Variants in MTPAP observed in about 807,000 individuals in gnomAD.
The protein encoded by MTPAP is mitochondrial poly(A) polymerase, also known as poly(A) RNA polymerase, mitochondrial.
In MTPAP, 23 loss-of-function variants were observed where a neutral mutation model predicts 48.7. The ratio of observed to expected loss-of-function variants is 0.47; its 90% CI spans 0.34 to 0.67. MTPAP has a LOEUF of 0.67. Ranked by LOEUF, MTPAP falls within the 30% of genes least tolerant of loss-of-function variation. The pLI, the probability that MTPAP is intolerant of heterozygous loss-of-function variation, is 0.01. For synonymous variants in MTPAP, 257 were observed against 254.1 expected (o/e 1.01, Z -0.11); for missense variants, 614 against 694.3 (o/e 0.88, Z 1.30).
In MTPAP at chr10:30,313,206, C is replaced by A; in HGVS notation, c.*403G>T. On this transcript the variant is annotated 3_prime_UTR_variant, in exon 9 of 9. Transcript: ENST00000263063. ...TTTAGCATTTGTTTAGTATATTTAC[C>A]TATTTAGTTAAAGCACATTACAATA... 4.8e-6 allele frequency: 1 copy of A among 209,298 alleles called. No homozygotes were observed. Among genetic ancestry groups the A allele is most frequent in the Non-Finnish European group, 9.7e-6 (1 of 102,676 alleles). The allele number at this position is 209,298 out of a possible 1,614,324, so 13.0% of individuals were successfully genotyped here.
intron 8 of MTPAP, among the ~76,000 whole-genome samples, 153 bp from the exon 9 acceptor site, chr10:30,314,124 C>T (rs1021371954): frequency 1.3e-5 from 2 of 151,936 alleles, no homozygotes; most frequent in African/African-American, 4.8e-5. Flanking sequence ...AGTATGTATG[C>T]ATGGTGGGTG....
rs768029508 is a variant in MTPAP at position 30,316,194 on chromosome 10, A to G, written c.1236T>C (p.Cys412=). The G allele has an allele frequency of 4.3e-6, 7 of 1,613,322 alleles. No individual in the cohort carries two copies. In the Admixed American group the frequency reaches 1.2e-4, roughly 27 times the overall value. ...ATGTGCAGTTGTTGCCTTCTATTAC[A>G]CATTTATCTTCTGCATCTTAAACAC... ...LKTLADAEDK[C]VIEGNNCTFV... is the part of the protein sequence containing the mutation. Residue 412 remains cysteine (C), a synonymous_variant, in exon 7 of 9, where the codon TGT becomes TGC. Transcript: ENST00000263063.
chr10:30,327,977 C>T lies in MTPAP; in HGVS notation c.781-1342G>A, dbSNP rs891655163. Among the ~76,000 whole-genome samples, 3 of 152,030 alleles carry T rather than the reference C, an allele frequency of 2.0e-5. No homozygotes were observed. In the South Asian group the frequency reaches 6.2e-4, roughly 32 times the overall value. On this transcript the variant is annotated intron_variant, in intron 4 of 8. Transcript: ENST00000263063. ...TTAGAATAGCGAAAGATTCTGTAAC[C>T]ATGACATAAAATTAGAGAAGACACA...
At chr10:30,336,345 A>G (rs1013480867) in intron 4 of MTPAP, among the ~76,000 whole-genome samples, 9 of 152,184 alleles carry the variant, frequency 5.9e-5, no homozygotes, top group African/African-American at 2.2e-4. Context: ...CAATCTAATA[A>G]GGAAATATGA....
intron 6 of MTPAP, among the ~76,000 whole-genome samples, chr10:30,318,716 G>A (rs1480153539): frequency 1.3e-5 from 2 of 152,222 alleles, no homozygotes; most frequent in African/African-American, 4.8e-5. Flanking sequence ...ATCTTGCCCA[G>A]TACAAACAGC....
intron 5 of MTPAP, among the ~76,000 whole-genome samples, chr10:30,323,341 A>G (rs1181203497): frequency 6.7e-6 from 1 of 149,862 alleles, no homozygotes; most frequent in Non-Finnish European, 1.5e-5. Context: ...AATTCTAGCT[A>G]CTTGGGGGGC....
At chr10:30,337,554 G>A (rs1271532342) in intron 3 of MTPAP, among the ~76,000 whole-genome samples, 1 of 152,130 alleles carries the variant, frequency 6.6e-6, no homozygotes, top group Admixed American at 6.6e-5. Context: ...AAGCAACACA[G>A]CAGGACCTCG....
At position 30,313,455 on chromosome 10, in the gene MTPAP, A is replaced by G; in HGVS notation, c.*154T>C. Reference sequence around the variant, plus strand: ...CTGATCAAACTGAAAACATCCCAGAACTTCAGACCAGGTTAAGGGGGCCAA... The same window carrying G: ...CTGATCAAACTGAAAACATCCCAGAGCTTCAGACCAGGTTAAGGGGGCCAA... On this transcript the variant is annotated 3_prime_UTR_variant, in exon 9 of 9. Transcript: ENST00000263063. 1.9e-6 allele frequency: 2 copies of G among 1,044,484 alleles called. No individual in the cohort carries two copies. The highest frequency in any genetic ancestry group is 2.8e-5 in the South Asian group (2 of 71,446). The allele number at this position is 1,044,484 out of a possible 1,614,324, so 64.7% of individuals were successfully genotyped here.
intron 1 of MTPAP, 47 bp from the exon 2 acceptor site, chr10:30,341,687 T>TTTTAAAAATA: frequency 6.2e-7 from 1 of 1,604,082 alleles, no homozygotes; most frequent in South Asian, 1.1e-5. Flanking sequence ...ACACACAAAA[T>TTTTAAAAATA]TTTAAAAATA....
chr10:30,345,210 A>G (rs1450103926), intron 1 of MTPAP, among the ~76,000 whole-genome samples: 1 of 152,230 alleles, frequency 6.6e-6, no homozygotes, highest in Non-Finnish European at 1.5e-5. Context: ...ATGCTGTAAG[A>G]TATTTAATAT....
chr10:30,327,786 C>T (rs1834616202), intron 4 of MTPAP, among the ~76,000 whole-genome samples: 1 of 148,980 alleles, frequency 6.7e-6, no homozygotes, highest in Admixed American at 6.8e-5. Context: ...GTGGAGGTTG[C>T]AGTGAGTCGA....
chr10:30,325,207 A>T (rs1366439198), intron 5 of MTPAP, among the ~76,000 whole-genome samples: 1 of 152,214 alleles, frequency 6.6e-6, no homozygotes, highest in African/African-American at 2.4e-5. Context: ...GATAGAAAGT[A>T]CAGTATTATA....
At position 30,341,660 on chromosome 10, in the gene MTPAP, A is replaced by G; in HGVS notation, c.158-20T>C. The G allele has an allele frequency of 6.2e-7, 1 of 1,613,356 alleles. No homozygotes were observed. Among genetic ancestry groups the G allele is most frequent in the Non-Finnish European group, 8.5e-7 (1 of 1,179,842 alleles). ...CAAAGCCTATGAACGAGACAAAAAC[A>G]TTTCCACCACACGCACACACACAAA... On this transcript the variant is annotated intron_variant, in intron 1 of 8. Transcript: ENST00000263063.
Position 30,317,526 on chromosome 10 carries a change from A to G in MTPAP, c.1220-1316T>C, listed in dbSNP as rs3802627. ...TCATTTTCATAAATATACAACCACCATGAAATCCCTGGCCCACACTATCTG... is the reference window on the plus strand; with the variant it reads ...TCATTTTCATAAATATACAACCACCGTGAAATCCCTGGCCCACACTATCTG... On this transcript the variant is annotated intron_variant, in intron 6 of 8. Transcript: ENST00000263063. Among the ~76,000 whole-genome samples the G allele has an allele frequency of 2.0e-5, 3 of 152,350 alleles. No homozygotes were observed. In the East Asian group the frequency reaches 5.8e-4, roughly 29 times the overall value.
chr10:30,343,188 C>T (rs1317711791), intron 1 of MTPAP, among the ~76,000 whole-genome samples: 1 of 152,062 alleles, frequency 6.6e-6, no homozygotes, highest in African/African-American at 2.4e-5. Flanking sequence ...GTGGCTCACA[C>T]CTGTAATCCC....
In MTPAP at chr10:30,313,605, GCCAT is replaced by G; in HGVS notation, c.1749_*3del. On this transcript the variant is annotated stop_lost and 3_prime_UTR_variant, in exon 9 of 9. Transcript: ENST00000263063. The stretch of plus-strand genomic sequence containing the variant: ...GCCCAGTTCTTTACACAATGTAGCA[GCCAT>G]CATGTCTGAGTACTAATTGTTCTCT... 6.2e-7 allele frequency: 1 copy of G among 1,614,154 alleles called. No homozygotes were observed. Among genetic ancestry groups the G allele is most frequent in the Non-Finnish European group, 8.5e-7 (1 of 1,180,006 alleles).
chr10:30,310,122 A>T lies in MTPAP; in HGVS notation c.*3487T>A, dbSNP rs931871784. On this transcript the variant is annotated 3_prime_UTR_variant, in exon 9 of 9. Transcript: ENST00000263063. ...AAAAACTTGAAAAAAGTTTTACTTA[A>T]CATTGCAATTATTTTTAATTAAGAA... 6.6e-6 allele frequency: 1 copy of T among 152,260 alleles called. No individual in the cohort carries two copies. The highest frequency in any genetic ancestry group is 1.5e-5 in the Non-Finnish European group (1 of 68,044). 9.4% of individuals were successfully genotyped at this position (152,260 alleles called of 1,614,324 possible). A position where few individuals can be genotyped will look rare whatever the true frequency, so the allele number is the denominator to read the frequency against.
intron 1 of MTPAP, chr10:30,348,765 C>T (rs1834899776): frequency 7.3e-6 from 2 of 274,926 alleles, no homozygotes; most frequent in Admixed American, 4.8e-5. Context: ...TATACGTACA[C>T]GATGCAGCGA....
At chr10:30,331,027 C>T (rs1282454854) in intron 4 of MTPAP, among the ~76,000 whole-genome samples, 2 of 152,118 alleles carry the variant, frequency 1.3e-5, no homozygotes, top group East Asian at 3.8e-4. Flanking sequence ...CATCAACTAG[C>T]CTAACCTGAC....
Sources: allele counts gnomAD v4.1 joint callset (sites outside exome capture counted in the v4.1 genomes callset), GRCh38; gene constraint gnomAD v4.1.1; transcripts MANE v1.5; gene names NCBI Gene and HGNC (gene_info 2026-07-23, HGNC 2026-07-21).